The following RNF43 variants were observed in gnomAD, a reference collection of about 807,000 sequenced individuals.
RNF43 encodes ring finger protein 43.
Under a neutral mutation model 78.4 loss-of-function variants are expected in RNF43, and 37 were observed. That is an observed-to-expected ratio of 0.47 (90% CI 0.36 to 0.62). The LOEUF (loss-of-function observed/expected upper bound fraction) is 0.62, where lower values mean the gene tolerates loss of function less well. Ranked by LOEUF, RNF43 falls within the 20% of genes least tolerant of loss-of-function variation. The probability of loss-of-function intolerance (pLI) is 0.00; values close to 1 mark genes in which losing one functional copy is unlikely to be tolerated. For missense variants in RNF43, 774 were observed against 1,007.9 expected (o/e 0.77, Z 3.14); for synonymous variants, 347 against 395.0 (o/e 0.88, Z 1.44).
intron 2 of RNF43, among the ~76,000 whole-genome samples, chr17:58,410,272 T>C (rs1448926888): frequency 6.6e-6 from 1 of 152,190 alleles, no homozygotes; most frequent in Admixed American, 6.5e-5. Flanking sequence ...TTCCTTCTAT[T>C]CTGTGGGTGC....
rs149332089 is a variant in RNF43, at chr17:58,366,148, C to T, written c.376-2548G>A. Reference sequence around the variant, plus strand: ...ACAAGGCACATACATGAAGCTATAACGCTGATAATATTCTAAAGCACAAAG... The same window carrying T: ...ACAAGGCACATACATGAAGCTATAATGCTGATAATATTCTAAAGCACAAAG... On this transcript the variant is annotated intron_variant, in intron 3 of 9. Transcript: ENST00000407977. 5.3e-5 allele frequency among the ~76,000 whole-genome samples: 8 copies of T among 152,322 alleles called. No individual in the cohort carries two copies. The East Asian group carries it at 1.5e-3, about 29-fold the overall frequency.
intron 2 of RNF43, among the ~76,000 whole-genome samples, chr17:58,385,210 T>C (rs528755015): frequency 6.6e-6 from 1 of 152,236 alleles, no homozygotes; most frequent in Non-Finnish European, 1.5e-5. Flanking sequence ...ACCTCTCTTC[T>C]GAGGTTCTTA....
chr17:58,360,461 A>G lies in RNF43; in HGVS notation c.850-210T>C, dbSNP rs1375548098. Among the ~76,000 whole-genome samples the G allele has an allele frequency of 6.6e-6, 1 of 152,208 alleles. No homozygotes were observed. Among genetic ancestry groups the G allele is most frequent in the East Asian group, 1.9e-4 (1 of 5,200 alleles). Reference sequence around the variant, plus strand: ...TGACGTTGGGCAACTTTCTTAACAGACAGTTTTCTGCTGTAAAATGAAGAT... The same window carrying G: ...TGACGTTGGGCAACTTTCTTAACAGGCAGTTTTCTGCTGTAAAATGAAGAT... On this transcript the variant is annotated intron_variant, in intron 7 of 9. Coordinates refer to ENST00000407977, the MANE Select transcript of RNF43 (RefSeq NM_017763.6). This position sits in a 1 kb window ranked among gnomAD's most constrained non-coding sequence, Gnocchi z 4.3.
chr17:58,393,416 A>T (rs1414669924), intron 2 of RNF43, among the ~76,000 whole-genome samples: 1 of 152,090 alleles, frequency 6.6e-6, no homozygotes, highest in African/African-American at 2.4e-5. Flanking sequence ...TCAAAAAAAA[A>T]ATTCTCTTAT....
At chr17:58,399,530 T>A (rs1288769916) in intron 2 of RNF43, among the ~76,000 whole-genome samples, 1 of 152,106 alleles carries the variant, frequency 6.6e-6, no homozygotes, top group Non-Finnish European at 1.5e-5. Context: ...GGGAAAGTAG[T>A]CCCCTTCACA....
chr17:58,371,119 G>T (rs1322061634), intron 2 of RNF43, 86 bp from the exon 3 acceptor site: 1 of 1,332,798 alleles, frequency 7.5e-7, no homozygotes, highest in Non-Finnish European at 1.0e-6. Context: ...ATTTTTCTAG[G>T]GAGGTACCAG....
Position 58,353,998 on chromosome 17 carries a change from T to G in RNF43, c.*945A>C, listed in dbSNP as rs1367014340. ...CTCTCCTGTGGGTCCCTGGCCTGTA[T>G]GGCTTATACTGGGGAGCTGGGCCTC... On this transcript the variant is annotated 3_prime_UTR_variant, in exon 10 of 10. Transcript: ENST00000407977. 1 of 188,302 alleles carries G rather than the reference T, an allele frequency of 5.3e-6. No individual in the cohort carries two copies. Among genetic ancestry groups the G allele is most frequent in the Non-Finnish European group, 1.1e-5 (1 of 89,206 alleles). 11.7% of individuals were successfully genotyped at this position (188,302 alleles called of 1,614,324 possible).
chr17:58,379,785 G>A (rs1206019599), intron 2 of RNF43, among the ~76,000 whole-genome samples: 1 of 152,194 alleles, frequency 6.6e-6, no homozygotes, highest in Non-Finnish European at 1.5e-5. Flanking sequence ...TATCAGAGAA[G>A]AAAGTATATT....
At chr17:58,408,450 G>A (rs547190063) in intron 2 of RNF43, among the ~76,000 whole-genome samples, 1 of 152,210 alleles carries the variant, frequency 6.6e-6, no homozygotes, top group Admixed American at 6.5e-5. Context: ...AAGGTCCTTT[G>A]GATGCACGCT....
In RNF43 at chr17:58,354,426, G is replaced by C. The variant is rs1972641915; in HGVS notation, c.*517C>G. 4.2e-6 allele frequency: 1 copy of C among 235,764 alleles called. No individual in the cohort carries two copies. Among genetic ancestry groups the C allele is most frequent in the African/African-American group, 2.2e-5 (1 of 45,272 alleles). 14.6% of individuals were successfully genotyped at this position (235,764 alleles called of 1,614,324 possible). The stretch of plus-strand genomic sequence containing the variant: ...CTTTTGGCAAAAAAGGAAAATGATA[G>C]AGCCAGGGTTGCCCCTGATGTAGCA... On this transcript the variant is annotated 3_prime_UTR_variant, in exon 10 of 10. Transcript: ENST00000407977.
chr17:58,363,436 T>C (rs1157455081), intron 4 of RNF43, 30 bp from the exon 5 acceptor site: 3 of 1,614,006 alleles, frequency 1.9e-6, no homozygotes, highest in Non-Finnish European at 2.5e-6. Flanking sequence ...ACAGGGCTGC[T>C]GTGACTTCTC....
chr17:58,407,594 G>A (rs1973939825), intron 2 of RNF43, among the ~76,000 whole-genome samples: 1 of 152,094 alleles, frequency 6.6e-6, no homozygotes, highest in African/African-American at 2.4e-5. Flanking sequence ...TTAGAACCCA[G>A]ATAAAAAGAG....
chr17:58,397,133 A>G (rs946297251), intron 2 of RNF43, among the ~76,000 whole-genome samples: 1 of 152,146 alleles, frequency 6.6e-6, no homozygotes, highest in East Asian at 1.9e-4. Context: ...CTAGAGGGGG[A>G]AAAATAAATG....
In RNF43 at chr17:58,354,711, A is replaced by G. The variant is rs1567871013; in HGVS notation, c.*232T>C. 5 of 559,180 alleles carry G rather than the reference A, an allele frequency of 8.9e-6. No individual in the cohort carries two copies. Among genetic ancestry groups the G allele is most frequent in the African/African-American group, 1.9e-5 (1 of 53,410 alleles). 34.6% of individuals were successfully genotyped at this position (559,180 alleles called of 1,614,324 possible). ...GCAGCAGCTGGTTGCCTGGCTGGAC[A>G]TGGATTTGCTGCACTGCAGATGTTT... is the stretch of plus-strand genomic sequence containing the variant. On this transcript the variant is annotated 3_prime_UTR_variant, in exon 10 of 10. Transcript: ENST00000407977.
At chr17:58,403,367 T>G (rs991977132) in intron 2 of RNF43, among the ~76,000 whole-genome samples, 1 of 152,202 alleles carries the variant, frequency 6.6e-6, no homozygotes, top group Non-Finnish European at 1.5e-5. Context: ...CAAGGATCTT[T>G]GATTATAAAA....
At chr17:58,393,560 G>A (rs931732390) in intron 2 of RNF43, among the ~76,000 whole-genome samples, 1 of 152,114 alleles carries the variant, frequency 6.6e-6, no homozygotes, top group Non-Finnish European at 1.5e-5. Flanking sequence ...AGGTTTTGGG[G>A]GTATCATATG....
chr17:58,355,629 G>A (rs1972670757), intron 9 of RNF43, among the ~76,000 whole-genome samples: 4 of 152,120 alleles, frequency 2.6e-5, no homozygotes, highest in South Asian at 4.1e-4. Flanking sequence ...GGAAGATGGG[G>A]GCTGGCTGGT....
chr17:58,352,537 G>A (rs1399880334), downstream of RNF43: 2 of 225,064 alleles, frequency 8.9e-6, no homozygotes, highest in African/African-American at 2.2e-5. Flanking sequence ...GTTCCCCGAT[G>A]GTAACCCGAA....
chr17:58,416,004 G>T, intron 1 of RNF43, 42 bp from the exon 2 acceptor site: 1 of 244,332 alleles, frequency 4.1e-6, no homozygotes, highest in African/African-American at 2.2e-5. Context: ...AAAGTAAACA[G>T]CTAAGGCCAT....
Sources: allele counts gnomAD v4.1 joint callset (sites outside exome capture counted in the v4.1 genomes callset), GRCh38; gene constraint gnomAD v4.1.1; non-coding constraint Gnocchi (gnomAD v3.1); transcripts MANE v1.5; gene names NCBI Gene and HGNC (gene_info 2026-07-23, HGNC 2026-07-21).